Variants in GPHN observed in about 807,000 individuals in gnomAD.
GPHN encodes the protein gephyrin.
A neutral mutation model predicts 95.5 loss-of-function variants in GPHN; 17 were observed. That is an observed-to-expected ratio of 0.18 (90% CI 0.12 to 0.27). The LOEUF (loss-of-function observed/expected upper bound fraction) is 0.27, where lower values mean the gene tolerates loss of function less well. Ranked by LOEUF, GPHN falls within the 10% of genes least tolerant of loss-of-function variation. The pLI is 1.00. For synonymous variants in GPHN, 320 were observed against 322.5 expected (o/e 0.99, Z 0.08); for missense variants, 660 against 978.1 (o/e 0.67, Z 4.34).
the GPHN span, among the ~76,000 whole-genome samples, chr14:67,258,732 C>T: frequency 2.0e-5 from 3 of 151,338 alleles, no homozygotes; most frequent in East Asian, 2.0e-4. Flanking sequence ...TTCAGACTGC[C>T]TTGATACTGT....
intron 2 of GPHN, among the ~76,000 whole-genome samples, chr14:66,684,432 G>A (rs1319902133): frequency 6.6e-6 from 1 of 152,142 alleles, no homozygotes; most frequent in African/African-American, 2.4e-5. Flanking sequence ...ATAAAACAAT[G>A]TTTAAACCAA....
intron 1 of GPHN, among the ~76,000 whole-genome samples, chr14:66,591,994 A>G (rs534213028): frequency 9.8e-5 from 15 of 152,350 alleles, no homozygotes; most frequent in African/African-American, 2.9e-4. Flanking sequence ...GTCCTTAGAC[A>G]TATCACCACA....
At chr14:67,552,773 A>AC in the GPHN span, among the ~76,000 whole-genome samples, 8 of 151,408 alleles carry the variant, frequency 5.3e-5, no homozygotes, top group African/African-American at 1.5e-4. Context: ...TCTCAAAAAA[A>AC]AAAAACAAAA....
the GPHN span, among the ~76,000 whole-genome samples, chr14:67,434,357 G>T: frequency 6.6e-6 from 1 of 152,202 alleles, no homozygotes; most frequent in East Asian, 1.9e-4. Flanking sequence ...TTCTAAGGAA[G>T]TAGCTAAAGA....
At chr14:67,556,297 A>C in the GPHN span, among the ~76,000 whole-genome samples, 1 of 152,174 alleles carries the variant, frequency 6.6e-6, no homozygotes, top group Non-Finnish European at 1.5e-5. Context: ...GCAAGGAAAG[A>C]AAGCTGGATG....
the GPHN span, among the ~76,000 whole-genome samples, chr14:67,523,582 C>T: frequency 5.6e-4 from 85 of 152,284 alleles, no homozygotes; most frequent in African/African-American, 1.8e-3. Flanking sequence ...TACACCTCCA[C>T]GCAGAGGAAG....
chr14:67,614,174 C>T, the GPHN span, among the ~76,000 whole-genome samples: 1 of 152,108 alleles, frequency 6.6e-6, no homozygotes, highest in Non-Finnish European at 1.5e-5. Context: ...TGGGCTCAAG[C>T]AATCTTCCTG....
chr14:67,699,497 G>A, the GPHN span, among the ~76,000 whole-genome samples: 1 of 151,164 alleles, frequency 6.6e-6, no homozygotes, highest in African/African-American at 2.4e-5. Flanking sequence ...GGTTCAGGTG[G>A]GAGGATTTCT....
chr14:67,296,022 A>G, the GPHN span, among the ~76,000 whole-genome samples: 3 of 152,200 alleles, frequency 2.0e-5, no homozygotes, highest in African/African-American at 7.2e-5. Context: ...ATTACAGTCT[A>G]ATGAGAAGTG....
chr14:66,818,288 CTG>C (rs2061057801), intron 3 of GPHN, among the ~76,000 whole-genome samples: 1 of 152,070 alleles, frequency 6.6e-6, no homozygotes, highest in South Asian at 2.1e-4. Flanking sequence ...ACATGCCCCA[CTG>C]TGTGTTGTTC....
At chr14:66,533,388 G>C (rs1296161357) in intron 1 of GPHN, among the ~76,000 whole-genome samples, 1 of 152,168 alleles carries the variant, frequency 6.6e-6, no homozygotes, top group East Asian at 1.9e-4. Flanking sequence ...AGCTGATCTG[G>C]TTGGCTGAAT....
At chr14:67,369,419 A>C in the GPHN span, among the ~76,000 whole-genome samples, 1 of 152,256 alleles carries the variant, frequency 6.6e-6, no homozygotes, top group African/African-American at 2.4e-5. Flanking sequence ...CATAGTTGGA[A>C]GTTTGAACAA....
chr14:67,232,407 C>T, the GPHN span, among the ~76,000 whole-genome samples: 1 of 152,206 alleles, frequency 6.6e-6, no homozygotes, highest in South Asian at 2.1e-4. Context: ...GAGGCAGATC[C>T]TTTAGTCCCA....
chr14:67,273,026 G>C, the GPHN span, among the ~76,000 whole-genome samples: 1 of 148,594 alleles, frequency 6.7e-6, no homozygotes, highest in African/African-American at 2.6e-5. Context: ...TGTCCTAGTT[G>C]AGGACCGCAT....
At chr14:66,676,998 T>C (rs2066637222) in intron 1 of GPHN, among the ~76,000 whole-genome samples, 2 of 152,234 alleles carry the variant, frequency 1.3e-5, no homozygotes, top group Middle Eastern at 3.4e-3. Context: ...TTTCTATTTC[T>C]TCCTGATTTA....
rs1013048990 is a variant in GPHN, at chr14:66,744,055, A to G, written c.144-32409A>G. On this transcript the variant is annotated intron_variant, in intron 2 of 22. Transcript: ENST00000478722. Reference sequence around the variant, plus strand: ...CTTTCTCCTTTTTCATCTTTCATCTATCCCAATAAAAACATAACTTCCAAT... The same window carrying G: ...CTTTCTCCTTTTTCATCTTTCATCTGTCCCAATAAAAACATAACTTCCAAT... Among the ~76,000 whole-genome samples the G allele has an allele frequency of 9.2e-5, 14 of 152,196 alleles. No homozygotes were observed. In the South Asian group the frequency reaches 1.2e-3, roughly 14 times the overall value.
At chr14:66,521,924 T>C (rs2058499810) in intron 1 of GPHN, among the ~76,000 whole-genome samples, 4 of 152,194 alleles carry the variant, frequency 2.6e-5, no homozygotes, top group Admixed American at 1.3e-4. Flanking sequence ...AGAGGGTCCC[T>C]GAAGTCTTGA....
intron 4 of GPHN, among the ~76,000 whole-genome samples, chr14:66,875,540 C>G (rs984584644): frequency 2.0e-5 from 3 of 151,786 alleles, no homozygotes; most frequent in Non-Finnish European, 2.9e-5. Context: ...CACATAGGCT[C>G]AAAATAAAGG....
At chr14:67,578,844 C>T in the GPHN span, among the ~76,000 whole-genome samples, 2 of 152,326 alleles carry the variant, frequency 1.3e-5, no homozygotes, top group Admixed American at 6.5e-5. The surrounding 1 kb of genome is among the most constrained non-coding windows in gnomAD (Gnocchi z 5.0). Flanking sequence ...CATGTATCCA[C>T]GGATGTACTG....
Sources: gnomAD v4.1 joint callset for allele counts (sites outside exome capture counted in the v4.1 genomes callset) on GRCh38, gnomAD v4.1.1 for gene constraint, Gnocchi (gnomAD v3.1) non-coding constraint, MANE v1.5 for transcripts, NCBI Gene and HGNC (gene_info 2026-07-23, HGNC 2026-07-21) for gene names.